The following TPP2 variants were observed in gnomAD, a reference collection of about 807,000 sequenced individuals.
TPP2 encodes tripeptidyl peptidase 2.
TPP2 carries 34 observed loss-of-function variants against 155.9 expected under a neutral mutation model. The observed-to-expected ratio is 0.22, with a 90% confidence interval of 0.17 to 0.29. The LOEUF is 0.29. TPP2 is among the 10% of genes least tolerant of loss of function. TPP2 has a pLI of 1.00. For missense variants in TPP2, 1,028 were observed against 1,522.3 expected, an observed-to-expected ratio of 0.68 and a Z score of 5.40; for synonymous variants, 510 against 529.4, an observed-to-expected ratio of 0.96 and a Z score of 0.50.
chr13:102,669,866 T>C (rs1332694988), intron 27 of TPP2, among the ~76,000 whole-genome samples: 2 of 152,148 alleles, frequency 1.3e-5, no homozygotes, highest in African/African-American at 4.8e-5. Flanking sequence ...ATAGGATGTG[T>C]ACATTGATCC....
chr13:102,630,341 C>A, intron 10 of TPP2, 146 bp downstream of exon 10: 1 of 554,692 alleles, frequency 1.8e-6, no homozygotes, highest in Middle Eastern at 4.6e-4. Context: ...TTAACAGTCT[C>A]ATCTCAGGGA....
At chr13:102,678,174 C>A in intron 29 of TPP2, 53 bp from the exon 30 acceptor site, 1 of 1,518,320 alleles carries the variant, frequency 6.6e-7, no homozygotes, top group Non-Finnish European at 9.0e-7. Context: ...AAATACTGAG[C>A]TTAAAAATCT....
At chr13:102,597,378 C>T (rs1879043259) in intron 1 of TPP2, among the ~76,000 whole-genome samples, 175 bp downstream of exon 1, 1 of 152,142 alleles carries the variant, frequency 6.6e-6, no homozygotes, top group African/African-American at 2.4e-5. Context: ...GACGGGCGCC[C>T]GCCAAGGGGA....
chr13:102,674,441 C>A lies in TPP2; in HGVS notation c.3530C>A (p.Ala1177Glu), dbSNP rs775925747. ...GGAGAAAGTCCTTTGGATTCTCTGG[C>A]AGAAACATTTTGGGAAACTACTAAA... Reference protein sequence around the residue: ...EEGESPLDSLAETFWETTKWT... With the variant: ...EEGESPLDSLEETFWETTKWT... The change falls in exon 28 of 30, where the codon GCA becomes GAA. Residue 1177 changes from alanine to glutamate, a missense_variant. By Grantham distance (107) the Ala-to-Glu change is moderately radical (BLOSUM62 -1). Coordinates refer to ENST00000376052, the MANE Select transcript of TPP2 (RefSeq NM_001330588.2). The A allele has an allele frequency of 5.0e-6, 8 of 1,613,740 alleles. No individual in the cohort carries two copies. In the South Asian group the frequency reaches 8.8e-5, roughly 18 times the overall value.
chr13:102,620,461 C>A (rs1397869946), intron 5 of TPP2, among the ~76,000 whole-genome samples: 1 of 152,124 alleles, frequency 6.6e-6, no homozygotes, highest in Admixed American at 6.6e-5. Context: ...TCTCAGAGAT[C>A]CAAAATTTTT....
chr13:102,678,132 T>C, intron 29 of TPP2, 95 bp from the exon 30 acceptor site: 1 of 1,225,342 alleles, frequency 8.2e-7, no homozygotes, highest in South Asian at 1.5e-5. Context: ...TGCTACTACC[T>C]TACTGTTACT....
At chr13:102,605,226 G>A (rs1022263287) in intron 2 of TPP2, among the ~76,000 whole-genome samples, 18 of 152,204 alleles carry the variant, frequency 1.2e-4, no homozygotes, top group African/African-American at 3.9e-4. Flanking sequence ...AAGCCTACTG[G>A]TGGGTCACTG....
intron 2 of TPP2, among the ~76,000 whole-genome samples, chr13:102,609,390 T>C (rs564434441): frequency 0.017 from 2,100 of 124,138 alleles, 21 homozygotes; most frequent in Non-Finnish European, 0.025. Flanking sequence ...AGAAGTGCCA[T>C]GCTTTTTTTT....
chr13:102,666,766 C>CTCTTTTT (rs1216225768), intron 27 of TPP2, among the ~76,000 whole-genome samples: 1 of 55,732 alleles, frequency 1.8e-5, no homozygotes, highest in African/African-American at 7.7e-5. Context: ...TTTTTAATCT[C>CTCTTTTT]TTTTTTTTTT....
chr13:102,619,437 C>CAAAAA, intron 5 of TPP2, among the ~76,000 whole-genome samples: 1 of 144,450 alleles, frequency 6.9e-6, no homozygotes. Context: ...AGGATTTCTG[C>CAAAAA]AAAAAAAAAA....
chr13:102,665,769 C>G (rs754458825), intron 27 of TPP2, among the ~76,000 whole-genome samples: 1 of 152,178 alleles, frequency 6.6e-6, no homozygotes, highest in Non-Finnish European at 1.5e-5. Flanking sequence ...ACTATTCAGG[C>G]TACCTGAAAA....
At chr13:102,663,450 T>A (rs1226277401) in intron 25 of TPP2, among the ~76,000 whole-genome samples, 198 bp from the exon 26 acceptor site, 1 of 152,206 alleles carries the variant, frequency 6.6e-6, no homozygotes, top group African/African-American at 2.4e-5. Context: ...CCAGCCCAGT[T>A]TGATTTATTT....
intron 28 of TPP2, among the ~76,000 whole-genome samples, chr13:102,674,742 T>G (rs1885195447): frequency 1.3e-5 from 2 of 152,216 alleles, no homozygotes; most frequent in Non-Finnish European, 2.9e-5. Context: ...TGTAGTAGGC[T>G]TTTAGTTAAA....
chr13:102,609,112 C>T (rs1387004744), intron 2 of TPP2, among the ~76,000 whole-genome samples: 3 of 152,196 alleles, frequency 2.0e-5, no homozygotes, highest in African/African-American at 4.8e-5. Flanking sequence ...CAGGTAACCA[C>T]ACCATGCAAG....
intron 6 of TPP2, among the ~76,000 whole-genome samples, 159 bp downstream of exon 6, chr13:102,623,199 ATGT>A (rs1177905204): frequency 6.6e-6 from 1 of 152,200 alleles, no homozygotes; most frequent in Non-Finnish European, 1.5e-5. Flanking sequence ...TACCTGCAAG[ATGT>A]TGTTTTTTAA....
At chr13:102,602,104 T>C (rs950825099) in intron 1 of TPP2, among the ~76,000 whole-genome samples, 1 of 152,212 alleles carries the variant, frequency 6.6e-6, no homozygotes, top group African/African-American at 2.4e-5. Flanking sequence ...GATAGGTGAT[T>C]TGGGTTCTTA....
At chr13:102,627,273 T>A in intron 7 of TPP2, 107 bp downstream of exon 7, 1 of 1,063,086 alleles carries the variant, frequency 9.4e-7, no homozygotes, top group Non-Finnish European at 1.2e-6. Context: ...GAACTATATA[T>A]AGTGTACAGG....
intron 6 of TPP2, 107 bp downstream of exon 6, chr13:102,623,147 T>A: frequency 8.3e-7 from 1 of 1,211,072 alleles, no homozygotes; most frequent in Non-Finnish European, 1.1e-6. Context: ...CTAGAGATCG[T>A]AGCTAAAGGA....
chr13:102,645,791 T>TATA (rs1595183659), intron 19 of TPP2, among the ~76,000 whole-genome samples: 1 of 152,226 alleles, frequency 6.6e-6, no homozygotes, highest in East Asian at 1.9e-4. Flanking sequence ...ATAAAATCTG[T>TATA]ACATTAGCAA....
Sources: gnomAD v4.1 joint callset for allele counts (sites outside exome capture counted in the v4.1 genomes callset) on GRCh38, gnomAD v4.1.1 for gene constraint, MANE v1.5 for transcripts, NCBI Gene and HGNC (gene_info 2026-07-23, HGNC 2026-07-21) for gene names.